AGO1: variants seen among roughly 807,000 people sequenced by gnomAD.
The protein encoded by AGO1 is protein argonaute-1.
Under a neutral mutation model 109.2 loss-of-function variants are expected in AGO1, and 11 were observed. The ratio of observed to expected loss-of-function variants is 0.10; its 90% CI spans 0.06 to 0.17. The LOEUF (loss-of-function observed/expected upper bound fraction) is 0.17. Among genes scored for constraint, AGO1 ranks in the 10% least tolerant of loss-of-function variants. The pLI, the probability that AGO1 is intolerant of heterozygous loss-of-function variation, is 1.00. For synonymous variants in AGO1, 422 were observed against 418.6 expected, an observed-to-expected ratio of 1.01 and a Z score of -0.10; for missense variants, 574 against 1,140.3, an observed-to-expected ratio of 0.50 and a Z score of 7.15.
At chr1:35,876,480 A>C (rs559781592) in intron 1 of AGO1, among the ~76,000 whole-genome samples, 6 of 151,910 alleles carry the variant, frequency 3.9e-5, no homozygotes, top group South Asian at 2.1e-4. Context: ...GTTAGCCAGG[A>C]TGGTCTTGAT....
rs1415613590 is a variant in AGO1, at chr1:35,906,981, C to G, written c.1444C>G (p.Pro482Ala). ...GAAGATTTCCAAGGATGCGGGGATG[C>G]CTATCCAGGGTCAACCTTGTTTCTG... Reference protein sequence around the residue: ...LRKISKDAGMPIQGQPCFCKY... With the variant: ...LRKISKDAGMAIQGQPCFCKY... Residue 482 changes from proline to alanine, a missense_variant, in exon 12 of 19, where the codon CCT (proline) becomes GCT (alanine). This residue lies in a region of AGO1 where 106 missense variants were observed against 147.8 expected (regional missense o/e 0.72). Transcript: ENST00000373204. The G allele has an allele frequency of 6.2e-7, 1 of 1,614,048 alleles. No individual in the cohort carries two copies. The highest frequency in any genetic ancestry group is 1.7e-5 in the Admixed American group (1 of 60,012).
Position 35,901,853 on chromosome 1 carries a change from C to G in AGO1, c.1141-95C>G, listed in dbSNP as rs752618861. ...TTTTTAGGACTATTCCGTACCAACC[C>G]CAGCTTCTCCTTAGGGTTCTCTCCT... On this transcript the variant is annotated intron_variant, in intron 9 of 18. Coordinates refer to ENST00000373204, the MANE Select transcript of AGO1 (RefSeq NM_012199.5). The surrounding 1 kb of genome is among the most constrained non-coding windows in gnomAD (Gnocchi z 4.8). The G allele has an allele frequency of 5.3e-6, 8 of 1,499,792 alleles. No homozygotes were observed. The East Asian group carries it at 1.1e-4, about 21-fold the overall frequency. 92.9% of individuals were successfully genotyped at this position (1,499,792 alleles called of 1,614,324 possible). A position where few individuals can be genotyped will look rare whatever the true frequency, so the allele number is the denominator to read the frequency against.
intron 1 of AGO1, among the ~76,000 whole-genome samples, chr1:35,870,099 A>AG (rs1644935367): frequency 6.6e-6 from 1 of 151,800 alleles, no homozygotes; most frequent in Admixed American, 6.6e-5. Flanking sequence ...CTAGAGGGAA[A>AG]GGACCTCATA....
Position 35,919,862 on chromosome 1 carries a change from C to T in AGO1, c.*255C>T, listed in dbSNP as rs1645800533. On this transcript the variant is annotated 3_prime_UTR_variant, in exon 19 of 19. Coordinates refer to ENST00000373204, the MANE Select transcript of AGO1 (RefSeq NM_012199.5). This position sits in a 1 kb window ranked among gnomAD's most constrained non-coding sequence, Gnocchi z 6.6. ...CTTGTCACATCTGGCCCTGACCCCA[C>T]TGGACCAAAAGGGGCAGCACTGGTG... is the stretch of plus-strand genomic sequence containing the variant. 2 of 485,736 alleles carry T rather than the reference C, an allele frequency of 4.1e-6. No homozygotes were observed. The highest frequency in any genetic ancestry group is 7.4e-6 in the Non-Finnish European group (2 of 269,428). The allele number at this position is 485,736 out of a possible 1,614,324, so 30.1% of individuals were successfully genotyped here. A position where few individuals can be genotyped will look rare whatever the true frequency, so the allele number is the denominator to read the frequency against.
At chr1:35,872,443 C>T (rs1285490798) in intron 1 of AGO1, among the ~76,000 whole-genome samples, 2 of 152,138 alleles carry the variant, frequency 1.3e-5, no homozygotes, top group African/African-American at 2.4e-5. Flanking sequence ...ATCTTGGCCT[C>T]CCAAAGTGCT....
At chr1:35,912,360 GAAAAAAAA>G (rs753525049) in intron 12 of AGO1, among the ~76,000 whole-genome samples, 48 of 40,614 alleles carry the variant, frequency 1.2e-3, no homozygotes, top group Admixed American at 0.011. Flanking sequence ...CTCTGTCTCA[GAAAAAAAA>G]AAAAAAAAAA....
At chr1:35,879,236 G>A (rs1645015876), upstream of AGO1, among the ~76,000 whole-genome samples, 5 of 152,132 alleles carry the variant, frequency 3.3e-5, no homozygotes, top group Admixed American at 3.3e-4. Flanking sequence ...GATCACCTGA[G>A]GTCAGAAGTT....
intron 1 of AGO1, among the ~76,000 whole-genome samples, chr1:35,884,814 T>A (rs1157971650): frequency 2.6e-5 from 4 of 152,184 alleles, no homozygotes; most frequent in Non-Finnish European, 5.9e-5. Flanking sequence ...GTGATACCTC[T>A]TGTGTCTTAA....
At chr1:35,884,275 C>G (rs2148706658) in intron 1 of AGO1, among the ~76,000 whole-genome samples, 1 of 152,292 alleles carries the variant, frequency 6.6e-6, no homozygotes, top group East Asian at 1.9e-4. Flanking sequence ...GTGCATTTTT[C>G]TGCCACAGGA....
At chr1:35,876,271 GT>G (rs547889113) in intron 1 of AGO1, among the ~76,000 whole-genome samples, 158 of 142,516 alleles carry the variant, frequency 1.1e-3, no homozygotes, top group African/African-American at 2.4e-3. Flanking sequence ...TTTGTTTTTT[GT>G]TTTTTTTTTT....
In AGO1 at chr1:35,923,847, G is replaced by T. The variant is rs532756658; in HGVS notation, c.*4240G>T. 6.5e-6 allele frequency: 1 copy of T among 152,700 alleles called. No homozygotes were observed. Among genetic ancestry groups the T allele is most frequent in the African/African-American group, 2.4e-5 (1 of 41,542 alleles). 9.5% of individuals were successfully genotyped at this position (152,700 alleles called of 1,614,324 possible). A position where few individuals can be genotyped will look rare whatever the true frequency, so the allele number is the denominator to read the frequency against. ...AAGGGAGATTTTCTTCTTTACAGAG[G>T]AAAATAGGAAACCCTCCAAGAATTG... is the stretch of plus-strand genomic sequence containing the variant. On this transcript the variant is annotated 3_prime_UTR_variant, in exon 19 of 19. Transcript: ENST00000373204.
At chr1:35,896,801 T>TTC (rs1645328691) in intron 8 of AGO1, among the ~76,000 whole-genome samples, 1 of 152,224 alleles carries the variant, frequency 6.6e-6, no homozygotes, top group Non-Finnish European at 1.5e-5. Context: ...GAACTCTGAC[T>TTC]TGGTTAATAG....
intron 12 of AGO1, among the ~76,000 whole-genome samples, chr1:35,911,297 A>G (rs1557619036): frequency 6.6e-6 from 1 of 152,198 alleles, no homozygotes; most frequent in Non-Finnish European, 1.5e-5. Context: ...TGAAGATACT[A>G]TTTGAAGTGT....
In AGO1 at chr1:35,923,740, C is replaced by T. The variant is rs746073637; in HGVS notation, c.*4133C>T. The T allele has an allele frequency of 2.0e-5, 3 of 152,556 alleles. No individual in the cohort carries two copies. The highest frequency in any genetic ancestry group is 4.4e-5 in the Non-Finnish European group (3 of 68,018). The allele number at this position is 152,556 out of a possible 1,614,324, so 9.5% of individuals were successfully genotyped here. On this transcript the variant is annotated 3_prime_UTR_variant, in exon 19 of 19. Coordinates refer to ENST00000373204, the MANE Select transcript of AGO1 (RefSeq NM_012199.5). The stretch of plus-strand genomic sequence containing the variant: ...CTCTCCCTTACTCTACTCATACTGA[C>T]TTAGAGCCTCTGGCTGCTGTTTGGG...
At chr1:35,872,433 A>T (rs1644959232) in intron 1 of AGO1, among the ~76,000 whole-genome samples, 1 of 152,050 alleles carries the variant, frequency 6.6e-6, no homozygotes, top group African/African-American at 2.4e-5. Context: ...TGATCTGCCC[A>T]TCTTGGCCTC....
At chr1:35,917,249 C>A (rs762629751) in intron 15 of AGO1, among the ~76,000 whole-genome samples, 2 of 152,188 alleles carry the variant, frequency 1.3e-5, no homozygotes, top group Non-Finnish European at 2.9e-5. Context: ...GTCACCTGAT[C>A]CTGTGTGAAA....
In AGO1 at chr1:35,915,672, T is replaced by C. The variant is rs1173571331; in HGVS notation, c.2028+130T>C. ...TGAGCTTTGCTAAATGGAGTAGACT[T>C]GGGGGCAAGGATCGCAACTGAGGGA... On this transcript the variant is annotated intron_variant, in intron 15 of 18. Transcript: ENST00000373204. 3 of 866,904 alleles carry C rather than the reference T, an allele frequency of 3.5e-6. No homozygotes were observed. In the African/African-American group the frequency reaches 5.1e-5, roughly 15 times the overall value. 53.7% of individuals were successfully genotyped at this position (866,904 alleles called of 1,614,324 possible). A position where few individuals can be genotyped will look rare whatever the true frequency, so the allele number is the denominator to read the frequency against.
In AGO1 at chr1:35,915,555, G is replaced by A. The variant is rs760628519; in HGVS notation, c.2028+13G>A. 5.0e-6 allele frequency: 8 copies of A among 1,611,652 alleles called. No homozygotes were observed. Among genetic ancestry groups the A allele is most frequent in the South Asian group, 1.1e-5 (1 of 90,840 alleles). On this transcript the variant is annotated intron_variant, in intron 15 of 18. Transcript: ENST00000373204. ...CCAGCTACCCCAGGTAGGGCCCACA[G>A]TAGGTGGAGAAAACCTTCACATCAT... is the stretch of plus-strand genomic sequence containing the variant.
chr1:35,902,918 A>T (rs551916439), intron 11 of AGO1, among the ~76,000 whole-genome samples: 1 of 152,058 alleles, frequency 6.6e-6, no homozygotes, highest in Non-Finnish European at 1.5e-5. Context: ...GATGGCACCA[A>T]TGAGGAAAGT....
Sources: allele counts gnomAD v4.1 joint callset (sites outside exome capture counted in the v4.1 genomes callset), GRCh38; gene constraint gnomAD v4.1.1; regional missense constraint gnomAD v4.1.1; non-coding constraint Gnocchi (gnomAD v3.1); transcripts MANE v1.5; gene names NCBI Gene and HGNC (gene_info 2026-07-23, HGNC 2026-07-21).